Variants in CENPP observed in about 807,000 individuals in gnomAD.
The protein encoded by CENPP is centromere protein P.
A neutral mutation model predicts 35.6 loss-of-function variants in CENPP; 24 were observed. The observed-to-expected ratio is 0.67, with a 90% confidence interval of 0.49 to 0.95. The LOEUF is 0.95. Ranked by LOEUF, CENPP falls within the 40% of genes least tolerant of loss-of-function variation. The pLI, the probability that CENPP is intolerant of heterozygous loss-of-function variation, is 0.00. For synonymous variants in CENPP, 120 were observed against 125.5 expected, an observed-to-expected ratio of 0.96 and a Z score of 0.29; for missense variants, 332 against 345.3, an observed-to-expected ratio of 0.96 and a Z score of 0.31.
chr9:92,616,196 C>T lies in CENPP; in HGVS notation c.*3047C>T. The stretch of plus-strand genomic sequence containing the variant: ...CTTCTGCAAAGTTAGATAAATCAAT[C>T]TCTTTTAAAAGAGAAGTGAATGGCC... On this transcript the variant is annotated 3_prime_UTR_variant, in exon 8 of 8. Coordinates refer to ENST00000375587, the MANE Select transcript of CENPP (RefSeq NM_001012267.3). 1 of 639,086 alleles carries T rather than the reference C, an allele frequency of 1.6e-6. No homozygotes were observed. Among genetic ancestry groups the T allele is most frequent in the South Asian group, 2.0e-5 (1 of 51,182 alleles). 39.6% of individuals were successfully genotyped at this position (639,086 alleles called of 1,614,324 possible). A position where few individuals can be genotyped will look rare whatever the true frequency, so the allele number is the denominator to read the frequency against.
intron 5 of CENPP, chr9:92,404,820 G>T: frequency 3.4e-6 from 1 of 290,426 alleles, no homozygotes; most frequent in Non-Finnish European, 5.8e-6. Flanking sequence ...TTCATGTTTT[G>T]GTGAATATTA....
At chr9:92,455,208 G>C (rs1205821032) in intron 5 of CENPP, among the ~76,000 whole-genome samples, 2 of 152,036 alleles carry the variant, frequency 1.3e-5, no homozygotes, top group East Asian at 3.9e-4. Flanking sequence ...TATCAGCCTG[G>C]GCAACAAAGT....
chr9:92,387,179 C>T (rs947033640), intron 5 of CENPP, among the ~76,000 whole-genome samples: 1 of 151,732 alleles, frequency 6.6e-6, no homozygotes, highest in Non-Finnish European at 1.5e-5. Context: ...TCGAGACCAG[C>T]CTGGCCAACA....
intron 5 of CENPP, among the ~76,000 whole-genome samples, chr9:92,534,790 T>C (rs1228542270): frequency 1.3e-5 from 2 of 152,216 alleles, no homozygotes; most frequent in Non-Finnish European, 2.9e-5. Context: ...ATGGCAAGTG[T>C]GCTCTGATGG....
intron 1 of CENPP, 119 bp from the exon 2 acceptor site, chr9:92,332,050 AG>A (rs1178546891): frequency 2.1e-6 from 1 of 478,368 alleles, no homozygotes; most frequent in African/African-American, 2.0e-5. Flanking sequence ...TAATGGGGGA[AG>A]GTGACTTAAT....
chr9:92,457,348 A>C (rs1844913144), intron 5 of CENPP: 2 of 1,613,972 alleles, frequency 1.2e-6, no homozygotes, highest in Non-Finnish European at 1.7e-6. Flanking sequence ...GAAATGTTGC[A>C]GGTTGCATTT....
In CENPP at chr9:92,483,200, A is replaced by G. The variant is rs1845966854; in HGVS notation, c.564+103341A>G. Among the ~76,000 whole-genome samples the G allele has an allele frequency of 3.3e-5, 5 of 151,858 alleles. No homozygotes were observed. In the South Asian group the frequency reaches 1.0e-3, roughly 32 times the overall value. ...TCCCCAAGAGACTGCCCAATTCTAC[A>G]TCAACTAAGACCTTCAAGAGAGGAC... is the stretch of plus-strand genomic sequence containing the variant. On this transcript the variant is annotated intron_variant, in intron 5 of 7. Coordinates refer to ENST00000375587, the MANE Select transcript of CENPP (RefSeq NM_001012267.3).
At chr9:92,368,948 A>G (rs944013981) in intron 4 of CENPP, among the ~76,000 whole-genome samples, 1 of 152,288 alleles carries the variant, frequency 6.6e-6, no homozygotes, top group East Asian at 1.9e-4. Context: ...GGAGACTGAC[A>G]TGGGAGGGTC....
intron 5 of CENPP, among the ~76,000 whole-genome samples, chr9:92,532,727 C>T (rs1306053516): frequency 3.3e-5 from 5 of 151,980 alleles, no homozygotes; most frequent in African/African-American, 1.2e-4. Context: ...TTAATCTCAT[C>T]TTTTATTTTT....
intron 5 of CENPP, chr9:92,502,379 G>A: frequency 1.8e-6 from 2 of 1,137,506 alleles, no homozygotes; most frequent in Non-Finnish European, 2.5e-6. Flanking sequence ...GGTTCACTAA[G>A]AAACGATTCT....
At chr9:92,514,631 C>A in intron 5 of CENPP, 1 of 1,565,112 alleles carries the variant, frequency 6.4e-7, no homozygotes, top group South Asian at 1.2e-5. Flanking sequence ...CATCTCTTAC[C>A]AGTGAGCTCC....
intron 5 of CENPP, among the ~76,000 whole-genome samples, chr9:92,399,758 A>G (rs1363309432): frequency 6.6e-6 from 1 of 152,024 alleles, no homozygotes; most frequent in Non-Finnish European, 1.5e-5. Context: ...TAAAAAGACC[A>G]TTTTTGCTTC....
chr9:92,436,300 G>A (rs1844244783), intron 5 of CENPP, among the ~76,000 whole-genome samples: 1 of 152,162 alleles, frequency 6.6e-6, no homozygotes, highest in Admixed American at 6.6e-5. Context: ...ACTAGAACAA[G>A]GAGTACCTTT....
At position 92,600,247 on chromosome 9, in the gene CENPP, T is replaced by C. The variant is rs1850876746; in HGVS notation, c.565-11067T>C. 2.2e-6 allele frequency: 3 copies of C among 1,382,652 alleles called. No individual in the cohort carries two copies. In the Admixed American group the frequency reaches 8.7e-5, roughly 40 times the overall value. The allele number at this position is 1,382,652 out of a possible 1,614,324, so 85.6% of individuals were successfully genotyped here. A position where few individuals can be genotyped will look rare whatever the true frequency, so the allele number is the denominator to read the frequency against. On this transcript the variant is annotated intron_variant, in intron 5 of 7. Transcript: ENST00000375587. ...ACAGAAGGGCGTGGGATCTGGCTTC[T>C]GGCCTGTCATTTGCTGTCTCCTGCC...
chr9:92,526,255 A>G (rs990398695), intron 5 of CENPP, among the ~76,000 whole-genome samples: 2 of 152,248 alleles, frequency 1.3e-5, no homozygotes, highest in Non-Finnish European at 2.9e-5. Context: ...AAGTTAAAAA[A>G]TAAAAATAGA....
chr9:92,583,565 G>T (rs73526015), intron 5 of CENPP, among the ~76,000 whole-genome samples: 3,127 of 152,158 alleles, frequency 0.021, 114 homozygotes, highest in African/African-American at 0.071. Flanking sequence ...CAAAGATTAT[G>T]GGTGCTTTAT....
intron 5 of CENPP, among the ~76,000 whole-genome samples, chr9:92,398,563 T>A (rs1842985691): frequency 6.6e-6 from 1 of 152,068 alleles, no homozygotes; most frequent in Admixed American, 6.6e-5. Flanking sequence ...TTCCACATAG[T>A]GTATCCTGGA....
At chr9:92,536,173 A>T (rs574266501) in intron 5 of CENPP, 40 of 340,288 alleles carry the variant, frequency 1.2e-4, no homozygotes, top group South Asian at 3.8e-4. Flanking sequence ...CAAGGGAAAT[A>T]TTTTTTTTAA....
intron 2 of CENPP, among the ~76,000 whole-genome samples, chr9:92,332,852 GAC>G (rs1229126615): frequency 6.7e-6 from 1 of 149,246 alleles, no homozygotes; most frequent in East Asian, 1.9e-4. Flanking sequence ...TTAAAGAACA[GAC>G]ACAGTTTCTT....
Sources: allele counts gnomAD v4.1 joint callset (sites outside exome capture counted in the v4.1 genomes callset), GRCh38; gene constraint gnomAD v4.1.1; transcripts MANE v1.5; gene names NCBI Gene and HGNC (gene_info 2026-07-23, HGNC 2026-07-21).